STRA8: variants seen among roughly 807,000 people sequenced by gnomAD.
STRA8 encodes the protein stimulated by retinoic acid 8, also known as stimulated by retinoic acid gene 8 protein homolog.
STRA8 carries 18 observed loss-of-function variants against 37.1 expected under a neutral mutation model. The ratio of observed to expected loss-of-function variants is 0.48; its 90% CI spans 0.34 to 0.72. STRA8 has a LOEUF of 0.72. STRA8 is among the 30% of genes least tolerant of loss of function. The pLI is 0.01. For synonymous variants in STRA8, 168 were observed against 162.9 expected, an observed-to-expected ratio of 1.03 and a Z score of -0.24; for missense variants, 357 against 410.4, an observed-to-expected ratio of 0.87 and a Z score of 1.13.
chr7:135,245,178 C>G (rs1832527378), intron 4 of STRA8, 110 bp from the exon 5 acceptor site: 2 of 718,842 alleles, frequency 2.8e-6, no homozygotes, highest in Non-Finnish European at 5.2e-6. Context: ...TACACCTACA[C>G]ACACACACAT....
chr7:135,243,746 T>C (rs1832502472), intron 4 of STRA8, among the ~76,000 whole-genome samples: 1 of 152,228 alleles, frequency 6.6e-6, no homozygotes, highest in South Asian at 2.1e-4. Flanking sequence ...TGCACATTAT[T>C]CTTTAGAGAA....
chr7:135,243,744 ATTC>A (rs1418538580), intron 4 of STRA8, among the ~76,000 whole-genome samples: 7 of 152,254 alleles, frequency 4.6e-5, no homozygotes, highest in African/African-American at 1.7e-4. Flanking sequence ...GTTGCACATT[ATTC>A]TTTAGAGAAA....
Position 135,251,808 on chromosome 7 carries a change from G to A in STRA8, c.892G>A (p.Asp298Asn), listed in dbSNP as rs1275725528. 16 of 1,613,994 alleles carry A rather than the reference G, an allele frequency of 9.9e-6. No individual in the cohort carries two copies. Among genetic ancestry groups the A allele is most frequent in the African/African-American group, 1.3e-5 (1 of 74,910 alleles). The change falls in exon 7 of 9, where the codon GAT becomes AAT. Residue 298 changes from aspartate (D) to asparagine (N), a missense_variant. Coordinates refer to ENST00000662584, the MANE Select transcript of STRA8 (RefSeq NM_001394401.1). ...VSTPEEILFE[D>N]AFDVASFLDK... is the part of the protein sequence containing the mutation. ...TGCTTTCTTTCAGATCCTTTTTGAG[G>A]ATGCCTTTGATGTGGCAAGCTTCCT...
intron 6 of STRA8, among the ~76,000 whole-genome samples, chr7:135,247,858 T>C (rs775655762): frequency 6.6e-6 from 1 of 152,180 alleles, no homozygotes; most frequent in Non-Finnish European, 1.5e-5. Context: ...CAGCTGCTCT[T>C]CCAGTATGAG....
intron 3 of STRA8, 62 bp downstream of exon 3, chr7:135,242,918 T>C (rs1395111587): frequency 6.5e-7 from 1 of 1,528,560 alleles, no homozygotes; most frequent in African/African-American, 1.4e-5. Flanking sequence ...TCTGTTTTTC[T>C]ATTGAAAACA....
At chr7:135,234,181 A>T (rs936759732) in intron 1 of STRA8, among the ~76,000 whole-genome samples, 10 of 152,014 alleles carry the variant, frequency 6.6e-5, no homozygotes, top group African/African-American at 2.2e-4. Flanking sequence ...ATCTCAGCTC[A>T]CTGCAACCTC....
In STRA8 at chr7:135,255,219, A is replaced by T; in HGVS notation, c.1059A>T (p.Val353=). Reference sequence around the variant, plus strand: ...GCCTTAGCTGTGCAAACACTCAAGTAAAGCAGGTAGGATGGAGTAGAGGGC... The same window carrying T: ...GCCTTAGCTGTGCAAACACTCAAGTTAAGCAGGTAGGATGGAGTAGAGGGC... ...FKGLSCANTQ[V]KQEASFPVDE... The change falls in exon 8 of 9, where the codon GTA becomes GTT. Residue 353 remains valine, a synonymous_variant. Transcript: ENST00000662584. The T allele has an allele frequency of 6.2e-7, 1 of 1,613,082 alleles. No individual in the cohort carries two copies.
chr7:135,258,364 C>G (rs11979480), intron 8 of STRA8, 54 bp from the exon 9 acceptor site: 472,767 of 1,475,680 alleles, frequency 0.32, 81,496 homozygotes, highest in African/African-American at 0.62. Flanking sequence ...CTATCTGCCT[C>G]GGGCCCAAGA....
intron 1 of STRA8, among the ~76,000 whole-genome samples, chr7:135,239,645 T>C (rs1209526898): frequency 6.6e-6 from 1 of 152,002 alleles, no homozygotes; most frequent in Non-Finnish European, 1.5e-5. Context: ...GATGGAAGGG[T>C]CTATGGCTCA....
chr7:135,252,147 G>A (rs1418694652), intron 7 of STRA8, among the ~76,000 whole-genome samples: 1 of 152,014 alleles, frequency 6.6e-6, no homozygotes, highest in Non-Finnish European at 1.5e-5. Context: ...CTGAGACTGG[G>A]TAATTTATAA....
chr7:135,240,851 A>G, intron 2 of STRA8, 135 bp downstream of exon 2: 1 of 930,420 alleles, frequency 1.1e-6, no homozygotes, highest in Non-Finnish European at 1.6e-6. Flanking sequence ...AATGCCCTAG[A>G]CAGGGTAATT....
intron 6 of STRA8, chr7:135,247,067 G>A (rs1832571796): frequency 9.9e-6 from 2 of 202,334 alleles, no homozygotes; most frequent in Non-Finnish European, 2.0e-5. Context: ...GGATGGTCTC[G>A]ATCTCCTTAC....
In STRA8 at chr7:135,245,378, G is replaced by A. The variant is rs62640386; in HGVS notation, c.444G>A (p.Glu148=). ...VRKDAEEEED[E]EEEDQEEEEE... ...AGGATGCTGAGGAGGAGGAAGATGA[G>A]GAAGAGGAAGATCAAGAAGAAGAGG... The change falls in exon 5 of 9, where the codon GAG becomes GAA. Residue 148 remains glutamate (E), a synonymous_variant. Transcript: ENST00000662584. The A allele has an allele frequency of 5.1e-6, 4 of 778,072 alleles. No individual in the cohort carries two copies. In the Admixed American group the frequency reaches 6.8e-5, roughly 13 times the overall value. The allele number at this position is 778,072 out of a possible 1,614,324, so 48.2% of individuals were successfully genotyped here. A position where few individuals can be genotyped will look rare whatever the true frequency, so the allele number is the denominator to read the frequency against.
In STRA8 at chr7:135,246,894, G is replaced by C. The variant is rs1832568080; in HGVS notation, c.879+192G>C. 1.7e-6 allele frequency: 1 copy of C among 605,002 alleles called. No homozygotes were observed. Among genetic ancestry groups the C allele is most frequent in the Non-Finnish European group, 2.7e-6 (1 of 368,400 alleles). 37.5% of individuals were successfully genotyped at this position (605,002 alleles called of 1,614,324 possible). A position where few individuals can be genotyped will look rare whatever the true frequency, so the allele number is the denominator to read the frequency against. ...GAGTCTCGCTCTGTCGCCCAGGCTG[G>C]AGTGCAGTGGCGCGATCTCGGCTCA... is the stretch of plus-strand genomic sequence containing the variant. On this transcript the variant is annotated intron_variant, in intron 6 of 8. Coordinates refer to ENST00000662584, the MANE Select transcript of STRA8 (RefSeq NM_001394401.1). This position sits in a 1 kb window ranked among gnomAD's most constrained non-coding sequence, Gnocchi z 5.4.
chr7:135,232,038 G>T, upstream of STRA8: 1 of 1,613,074 alleles, frequency 6.2e-7, no homozygotes, highest in Non-Finnish European at 8.5e-7. Flanking sequence ...GGCTGTGGCA[G>T]GTAAATAAGC....
At chr7:135,242,936 G>A in intron 3 of STRA8, 80 bp downstream of exon 3, 3 of 1,457,802 alleles carry the variant, frequency 2.1e-6, no homozygotes, top group Non-Finnish European at 2.9e-6. Flanking sequence ...ACAGAAGTTG[G>A]GTTACAATGA....
chr7:135,245,081 T>A (rs774531393), intron 4 of STRA8, among the ~76,000 whole-genome samples: 25 of 152,168 alleles, frequency 1.6e-4, no homozygotes, highest in Non-Finnish European at 3.4e-4. Flanking sequence ...TGTAGTCTGT[T>A]GATATGGTGA....
rs1199204881 is a variant in STRA8, at chr7:135,243,053, A to G, written c.268+197A>G. Among the ~76,000 whole-genome samples the G allele has an allele frequency of 1.6e-4, 25 of 152,232 alleles. 1 individual carries two copies. The highest frequency in any genetic ancestry group is 1.6e-3 in the Admixed American group (25 of 15,286). On this transcript the variant is annotated intron_variant, in intron 3 of 8. Coordinates refer to ENST00000662584, the MANE Select transcript of STRA8 (RefSeq NM_001394401.1). The stretch of plus-strand genomic sequence containing the variant: ...CCTGCAGTCCAGCAAGACTGGCCAG[A>G]GTCACCAGGCCATGAGACTCTGATG...
chr7:135,251,991 G>T, intron 7 of STRA8, 122 bp downstream of exon 7: 1 of 819,974 alleles, frequency 1.2e-6, no homozygotes, highest in Non-Finnish European at 2.1e-6. Context: ...GACAGAGAGA[G>T]GAGACAGAGG....
Sources: allele counts gnomAD v4.1 joint callset (sites outside exome capture counted in the v4.1 genomes callset), GRCh38; gene constraint gnomAD v4.1.1; non-coding constraint Gnocchi (gnomAD v3.1); transcripts MANE v1.5; gene names NCBI Gene and HGNC (gene_info 2026-07-23, HGNC 2026-07-21).